SPTBN2: variants seen among roughly 807,000 people sequenced by gnomAD.
The protein encoded by SPTBN2 is spectrin beta, non-erythrocytic 2, also known as spectrin beta chain, non-erythrocytic 2.
A neutral mutation model predicts 284.2 loss-of-function variants in SPTBN2; 107 were observed. The ratio of observed to expected loss-of-function variants is 0.38; its 90% CI spans 0.32 to 0.44. SPTBN2 has a LOEUF of 0.44. Among genes scored for constraint, SPTBN2 ranks in the 20% least tolerant of loss-of-function variants. The pLI, the probability that SPTBN2 is intolerant of heterozygous loss-of-function variation, is 1.00. For missense variants in SPTBN2, 2,569 were observed against 3,287.1 expected, an observed-to-expected ratio of 0.78 and a Z score of 5.34; for synonymous variants, 1,289 against 1,354.8, an observed-to-expected ratio of 0.95 and a Z score of 1.07.
rs145930414 is a variant in SPTBN2, at chr11:66,694,157, G to A, written c.4485C>T (p.Arg1495=). The stretch of plus-strand genomic sequence containing the variant: ...GACTCACAATCTCATCTTCCACATC[G>A]CGGTGGAACTGGTGCTGCTCGCGAG... The part of the protein sequence containing the change: ...QASREQHQFH[R]DVEDEILWVT... Residue 1495 remains arginine (R), a synonymous_variant, in exon 22 of 38, where the codon CGC becomes CGT. Transcript: ENST00000533211. The A allele has an allele frequency of 1.8e-4, 288 of 1,608,802 alleles. No homozygotes were observed. The highest frequency in any genetic ancestry group is 2.1e-4 in the Non-Finnish European group (250 of 1,180,004).
At chr11:66,738,240 G>C (rs1402798046) in intron 1 of SPTBN2, among the ~76,000 whole-genome samples, 1 of 151,918 alleles carries the variant, frequency 6.6e-6, no homozygotes, top group African/African-American at 2.4e-5. Flanking sequence ...ACAAAAAAAA[G>C]ATTTCTTCTA....
chr11:66,690,648 A>G (rs932757128), intron 27 of SPTBN2, among the ~76,000 whole-genome samples: 3 of 152,170 alleles, frequency 2.0e-5, no homozygotes, highest in Admixed American at 2.0e-4. Context: ...GGAAGGATCC[A>G]TGCTTACTGA....
intron 1 of SPTBN2, among the ~76,000 whole-genome samples, chr11:66,742,632 C>T (rs568790862): frequency 6.6e-6 from 1 of 150,554 alleles, no homozygotes; most frequent in Admixed American, 6.6e-5. Flanking sequence ...TTTTTTTAGA[C>T]AGAGTCTCAC....
At chr11:66,711,138 A>G (rs1403841911) in intron 8 of SPTBN2, 109 bp from the exon 9 acceptor site, 2 of 855,520 alleles carry the variant, frequency 2.3e-6, no homozygotes, top group Non-Finnish European at 4.0e-6. Flanking sequence ...ACATCTCTCC[A>G]TCTCCTTTTA....
In SPTBN2 at chr11:66,689,188, C is replaced by T. The variant is rs201759431; in HGVS notation, c.5950-8G>A. 3,757 of 1,599,258 alleles carry T rather than the reference C, an allele frequency of 2.3e-3. 23 individuals are homozygous for T. The highest frequency in any genetic ancestry group is 1.9e-3 in the Non-Finnish European group (2,248 of 1,171,754). On this transcript the variant is annotated splice_region_variant and splice_polypyrimidine_tract_variant and intron_variant, in intron 29 of 37. Transcript: ENST00000533211. ...AGACAGCTTCTCTGAGATCTGGGGG[C>T]GGGGGGCAGAGATATGAGTTAGCAC...
chr11:66,700,316 G>T lies in SPTBN2; in HGVS notation c.3573+210C>A, dbSNP rs1304583650. On this transcript the variant is annotated intron_variant, in intron 17 of 37. Transcript: ENST00000533211. This position sits in a 1 kb window ranked among gnomAD's most constrained non-coding sequence, Gnocchi z 6.6. The stretch of plus-strand genomic sequence containing the variant: ...AAAAAAATTTTTTTGTAGAGACAAG[G>T]TCTTGCCATGTTGCCCAGGTTGGTC... Among the ~76,000 whole-genome samples, 2 of 152,022 alleles carry T rather than the reference G, an allele frequency of 1.3e-5. No individual in the cohort carries two copies. The highest frequency in any genetic ancestry group is 2.9e-5 in the Non-Finnish European group (2 of 68,000).
intron 1 of SPTBN2, among the ~76,000 whole-genome samples, chr11:66,741,040 T>C (rs986026142): frequency 1.3e-5 from 2 of 152,188 alleles, no homozygotes; most frequent in African/African-American, 4.8e-5. Context: ...AGTCTTGGGC[T>C]CTTCTTATAG....
chr11:66,700,740 T>G lies in SPTBN2; in HGVS notation c.3359A>C (p.Glu1120Ala). ...LRGEVERAQS[E>A]YSRLRALGEE... ...GCCCAGGGCTCGCAGCCGGCTATAC[T>G]CGCTCTGGGCCCGCTCCACCTCTCC... The change falls in exon 17 of 38, where the codon GAG (glutamate) becomes GCG (alanine). Residue 1120 changes from glutamate (E) to alanine (A), a missense_variant. Glu to Ala is a moderately radical substitution (Grantham distance 107, BLOSUM62 -1). Transcript: ENST00000533211. This position sits in a 1 kb window ranked among gnomAD's most constrained non-coding sequence, Gnocchi z 6.6. 6.2e-7 allele frequency: 1 copy of G among 1,603,046 alleles called. No homozygotes were observed. The highest frequency in any genetic ancestry group is 8.5e-7 in the Non-Finnish European group (1 of 1,179,790).
chr11:66,693,089 A>G lies in SPTBN2; in HGVS notation c.4866T>C (p.Ser1622=). 1 of 1,614,098 alleles carries G rather than the reference A, an allele frequency of 6.2e-7. No homozygotes were observed. The highest frequency in any genetic ancestry group is 8.5e-7 in the Non-Finnish European group (1 of 1,180,022). ...MGQEKAKDEL[S]AQAEVKKHQV... ...GGTGCTTCTTCACCTCTGCCTGGGC[A>G]CTCAGCTCATCCTGGGGGAAGGGAC... The change falls in exon 25 of 38, where the codon AGT becomes AGC. Residue 1622 remains serine, a synonymous_variant. Coordinates refer to ENST00000533211, the MANE Select transcript of SPTBN2 (RefSeq NM_006946.4). The surrounding 1 kb of genome is among the most constrained non-coding windows in gnomAD (Gnocchi z 5.7).
intron 1 of SPTBN2, among the ~76,000 whole-genome samples, chr11:66,736,831 C>T (rs138026973): frequency 1.7e-3 from 259 of 152,328 alleles, no homozygotes; most frequent in African/African-American, 5.9e-3. Context: ...TTCTGTATCT[C>T]AGCCTAATTT....
At chr11:66,730,634 C>A (rs1317539865), upstream of SPTBN2, among the ~76,000 whole-genome samples, 2 of 151,700 alleles carry the variant, frequency 1.3e-5, no homozygotes, top group African/African-American at 2.4e-5. Flanking sequence ...GGAACTGGAA[C>A]CACCAAGCTG....
At chr11:66,712,486 G>A (rs1485843647) in intron 8 of SPTBN2, among the ~76,000 whole-genome samples, 5 of 151,682 alleles carry the variant, frequency 3.3e-5, no homozygotes, top group Non-Finnish European at 5.9e-5. Context: ...GGCGGAGGTT[G>A]CAGTGAGCCG....
At chr11:66,705,929 T>C in intron 13 of SPTBN2, 92 bp from the exon 14 acceptor site, 2 of 1,529,896 alleles carry the variant, frequency 1.3e-6, no homozygotes, top group South Asian at 2.4e-5. Context: ...CGGCCCCAGG[T>C]GTTGCACCCA....
At chr11:66,686,557 G>A (rs1345954191) in intron 36 of SPTBN2, 117 bp from the exon 37 acceptor site, 1 of 1,137,464 alleles carries the variant, frequency 8.8e-7, no homozygotes, top group Non-Finnish European at 1.3e-6. Context: ...GCAGCCCTCA[G>A]AGCCGGACCA....
Position 66,714,301 on chromosome 11 carries a change from C to T in SPTBN2, c.575+15G>A, listed in dbSNP as rs1333396318. Reference sequence around the variant, plus strand: ...TCACTGACCCTCCAGTGCCACACGCCCAGGGTGTCCTCACCCTGCAGTCTT... The same window carrying T: ...TCACTGACCCTCCAGTGCCACACGCTCAGGGTGTCCTCACCCTGCAGTCTT... On this transcript the variant is annotated intron_variant, in intron 6 of 37. Transcript: ENST00000533211. The T allele has an allele frequency of 3.1e-6, 5 of 1,611,780 alleles. No homozygotes were observed. Among genetic ancestry groups the T allele is most frequent in the South Asian group, 1.1e-5 (1 of 90,964 alleles).
Position 66,715,265 on chromosome 11 carries a change from C to T in SPTBN2, c.440G>A (p.Arg147Gln). 1.9e-6 allele frequency: 3 copies of T among 1,614,232 alleles called. No homozygotes were observed. Among genetic ancestry groups the T allele is most frequent in the Non-Finnish European group, 2.5e-6 (3 of 1,180,044 alleles). ...GSHDIVDGNH[R>Q]LTLGLVWTII... Reference sequence around the variant, plus strand: ...GGTCCAGACCAGCCCAAGGGTCAGTCGGTGGTTTCCGTCCACAATGTCATG... The same window carrying T: ...GGTCCAGACCAGCCCAAGGGTCAGTTGGTGGTTTCCGTCCACAATGTCATG... Residue 147 changes from arginine to glutamine, a missense_variant, in exon 5 of 38, where the codon CGA (arginine) becomes CAA (glutamine). Arg to Gln is a conservative substitution (Grantham distance 43). Coordinates refer to ENST00000533211, the MANE Select transcript of SPTBN2 (RefSeq NM_006946.4). The surrounding 1 kb of genome is among the most constrained non-coding windows in gnomAD (Gnocchi z 5.3).
At chr11:66,742,771 G>A (rs964980244) in intron 1 of SPTBN2, among the ~76,000 whole-genome samples, 3 of 152,050 alleles carry the variant, frequency 2.0e-5, no homozygotes, top group Non-Finnish European at 4.4e-5. Flanking sequence ...CAACACGCCT[G>A]GCTAATTTTT....
Position 66,687,287 on chromosome 11 carries a change from T to TGG in SPTBN2, c.6723-122_6723-121dup. The TGG allele has an allele frequency of 6.5e-7, 1 of 1,548,482 alleles. No homozygotes were observed. Reference sequence around the variant, plus strand: ...TTTAGGCCACGGTCTTCACACCCTCTGGTCCTCCCCTGAGGCCCCGCTCTG... The same window carrying TGG: ...TTTAGGCCACGGTCTTCACACCCTCTGGGGTCCTCCCCTGAGGCCCCGCTCTG... On this transcript the variant is annotated intron_variant, in intron 35 of 37. Coordinates refer to ENST00000533211, the MANE Select transcript of SPTBN2 (RefSeq NM_006946.4). This position sits in a 1 kb window ranked among gnomAD's most constrained non-coding sequence, Gnocchi z 5.2.
rs376349935 is a variant in SPTBN2, at chr11:66,707,503, G to A, written c.1653+13C>T. On this transcript the variant is annotated intron_variant, in intron 13 of 37. Coordinates refer to ENST00000533211, the MANE Select transcript of SPTBN2 (RefSeq NM_006946.4). This position sits in a 1 kb window ranked among gnomAD's most constrained non-coding sequence, Gnocchi z 4.9. The stretch of plus-strand genomic sequence containing the variant: ...TGATCACTCTTACCCCACCCAGCAC[G>A]CCTCACTGGTACCTTCATCTCTTCC... The A allele has an allele frequency of 6.8e-5, 108 of 1,589,920 alleles. No individual in the cohort carries two copies. The highest frequency in any genetic ancestry group is 8.7e-5 in the Non-Finnish European group (102 of 1,168,734).
Sources: allele counts gnomAD v4.1 joint callset (sites outside exome capture counted in the v4.1 genomes callset), GRCh38; gene constraint gnomAD v4.1.1; non-coding constraint Gnocchi (gnomAD v3.1); transcripts MANE v1.5; gene names NCBI Gene and HGNC (gene_info 2026-07-23, HGNC 2026-07-21).